Variants in WIPF2 observed in about 807,000 individuals in gnomAD.
WIPF2 encodes the protein WAS/WASL-interacting protein family member 2.
Under a neutral mutation model 38.8 loss-of-function variants are expected in WIPF2, and 23 were observed. That is an observed-to-expected ratio of 0.59 (90% CI 0.43 to 0.84). The LOEUF is 0.84. Ranked by LOEUF, WIPF2 falls within the 40% of genes least tolerant of loss-of-function variation. The probability of loss-of-function intolerance (pLI) is 0.00; values close to 1 mark genes in which losing one functional copy is unlikely to be tolerated. For synonymous variants in WIPF2, 210 were observed against 223.2 expected (o/e 0.94, Z 0.53); for missense variants, 574 against 580.5 (o/e 0.99, Z 0.11).
intron 1 of WIPF2, among the ~76,000 whole-genome samples, chr17:40,246,844 G>A (rs2031382964): frequency 6.6e-6 from 1 of 151,830 alleles, no homozygotes; most frequent in Non-Finnish European, 1.5e-5. Flanking sequence ...CGGGCGTGGC[G>A]ACTCATGCCT....
chr17:40,279,403 T>C lies in WIPF2; in HGVS notation c.*1178T>C, dbSNP rs1229560165. The C allele has an allele frequency of 6.5e-6, 1 of 152,676 alleles. No individual in the cohort carries two copies. Among genetic ancestry groups the C allele is most frequent in the Non-Finnish European group, 1.5e-5 (1 of 68,106 alleles). The allele number at this position is 152,676 out of a possible 1,614,324, so 9.5% of individuals were successfully genotyped here. On this transcript the variant is annotated 3_prime_UTR_variant, in exon 8 of 8. Transcript: ENST00000323571. The stretch of plus-strand genomic sequence containing the variant: ...CCCTTGCCTTCCCAGGACTGCACGG[T>C]TTAACACAGCAGAGTACAGAAGGGT...
At chr17:40,241,661 G>A (rs1290700490) in intron 1 of WIPF2, among the ~76,000 whole-genome samples, 1 of 152,098 alleles carries the variant, frequency 6.6e-6, no homozygotes, top group Non-Finnish European at 1.5e-5. Context: ...AGTGTTTTTG[G>A]TGAAATGGAA....
intron 5 of WIPF2, among the ~76,000 whole-genome samples, chr17:40,269,044 T>C (rs1260944215): frequency 6.6e-6 from 1 of 151,338 alleles, no homozygotes; most frequent in African/African-American, 2.4e-5. Flanking sequence ...CTAGGCCGGG[T>C]GCAGTGGCTC....
At chr17:40,248,493 A>C (rs916851011) in intron 1 of WIPF2, among the ~76,000 whole-genome samples, 1 of 152,086 alleles carries the variant, frequency 6.6e-6, no homozygotes, top group Non-Finnish European at 1.5e-5. Flanking sequence ...TATTAAATAG[A>C]GACAAGGTCT....
At chr17:40,220,571 G>GTGTGTA (rs1270808243) in intron 1 of WIPF2, 25 of 85,644 alleles carry the variant, frequency 2.9e-4, no homozygotes, top group African/African-American at 1.3e-3. Flanking sequence ...ACGTGTGTGT[G>GTGTGTA]TGTATATATA....
intron 1 of WIPF2, among the ~76,000 whole-genome samples, chr17:40,242,874 C>T (rs1045564890): frequency 9.9e-5 from 15 of 152,194 alleles, no homozygotes; most frequent in African/African-American, 2.9e-4. Context: ...TGCTGTACTT[C>T]AGTGCTTTCA....
Position 40,277,150 on chromosome 17 carries a change from C to T in WIPF2, c.1248C>T (p.His416=). 6.2e-7 allele frequency: 1 copy of T among 1,613,452 alleles called. No individual in the cohort carries two copies. Among genetic ancestry groups the T allele is most frequent in the Non-Finnish European group, 8.5e-7 (1 of 1,179,700 alleles). The part of the protein sequence containing the change: ...EDFPAPEEYK[H]FQRIYPSKTN... ...TTCCTGCTCCAGAAGAATATAAACA[C>T]TTTCAGAGGATATATCCCAGCAAAA... The change falls in exon 7 of 8, where the codon CAC becomes CAT. Residue 416 remains histidine (H), a synonymous_variant. Transcript: ENST00000323571.
intron 1 of WIPF2, among the ~76,000 whole-genome samples, chr17:40,240,584 T>A (rs2031154111): frequency 6.6e-6 from 1 of 152,018 alleles, no homozygotes; most frequent in Non-Finnish European, 1.5e-5. Context: ...AAAACTTTGT[T>A]GACATCTCTC....
At chr17:40,226,208 A>AAT (rs1567708011) in intron 1 of WIPF2, among the ~76,000 whole-genome samples, 1 of 109,982 alleles carries the variant, frequency 9.1e-6, no homozygotes, top group African/African-American at 3.7e-5. Context: ...AAAAAAAAAA[A>AAT]TTTTTTTTTT....
At chr17:40,254,806 A>C (rs2031668146) in intron 1 of WIPF2, among the ~76,000 whole-genome samples, 1 of 151,506 alleles carries the variant, frequency 6.6e-6, no homozygotes, top group South Asian at 2.1e-4. Flanking sequence ...TTCTTGGCTC[A>C]CTGCACCTCC....
Position 40,278,324 on chromosome 17 carries a change from A to G in WIPF2, c.*99A>G. 1 of 1,401,656 alleles carries G rather than the reference A, an allele frequency of 7.1e-7. No individual in the cohort carries two copies. The highest frequency in any genetic ancestry group is 9.9e-7 in the Non-Finnish European group (1 of 1,011,094). 86.8% of individuals were successfully genotyped at this position (1,401,656 alleles called of 1,614,324 possible). ...TGAAACCTGCATGAGAGCTCCTAAC[A>G]TGTTTCTCCAATGCAATCAAGCCCT... is the stretch of plus-strand genomic sequence containing the variant. On this transcript the variant is annotated 3_prime_UTR_variant, in exon 8 of 8. Transcript: ENST00000323571.
At chr17:40,221,504 C>T (rs2030235715) in intron 1 of WIPF2, among the ~76,000 whole-genome samples, 1 of 151,826 alleles carries the variant, frequency 6.6e-6, no homozygotes, top group Non-Finnish European at 1.5e-5. Flanking sequence ...GAGGCTGAGG[C>T]AGGAGGATTG....
rs185791259 is a variant in WIPF2 at position 40,223,585 on chromosome 17, A to G, written c.-70+4093A>G. ...CAGAAGTCTTGTTCTGTTGAAGAGA[A>G]AATTTTTTTTTGGGTTTTTTTTTTT... On this transcript the variant is annotated intron_variant, in intron 1 of 7. Transcript: ENST00000323571. Among the ~76,000 whole-genome samples, 176 of 149,694 alleles carry G rather than the reference A, an allele frequency of 1.2e-3. No individual in the cohort carries two copies. The Middle Eastern group carries it at 0.017, about 15-fold the overall frequency.
chr17:40,277,998 T>C (rs1396687339), intron 7 of WIPF2, among the ~76,000 whole-genome samples, 187 bp from the exon 8 acceptor site: 1 of 152,152 alleles, frequency 6.6e-6, no homozygotes, highest in Non-Finnish European at 1.5e-5. Context: ...AGTGCTGGGA[T>C]TACAGGCGTG....
intron 1 of WIPF2, among the ~76,000 whole-genome samples, chr17:40,222,380 G>A (rs1190841153): frequency 9.9e-5 from 15 of 151,350 alleles, no homozygotes; most frequent in Non-Finnish European, 1.6e-4. Flanking sequence ...AAACAAGGCT[G>A]GGCGCGCTGG....
intron 1 of WIPF2, among the ~76,000 whole-genome samples, chr17:40,250,937 T>TTTA (rs1174975480): frequency 1.3e-5 from 2 of 148,186 alleles, no homozygotes; most frequent in African/African-American, 2.5e-5. Context: ...TTTTTTTTTT[T>TTTA]GAGTCTCGCT....
chr17:40,232,179 A>ATTTT lies in WIPF2; in HGVS notation c.-70+12712_-70+12715dup, dbSNP rs752876006. On this transcript the variant is annotated intron_variant, in intron 1 of 7. Coordinates refer to ENST00000323571, the MANE Select transcript of WIPF2 (RefSeq NM_133264.5). ...AGGCACATGCCACCATGCCTGGCTAATTTTTTTTTTTTTTTTTTTTTTTTT... is the reference window on the plus strand; with the variant it reads ...AGGCACATGCCACCATGCCTGGCTAATTTTTTTTTTTTTTTTTTTTTTTTTTTTT... Among the ~76,000 whole-genome samples, 163 of 76,050 alleles carry ATTTT rather than the reference A, an allele frequency of 2.1e-3. 5 individuals are homozygous for ATTTT. The highest frequency in any genetic ancestry group is 9.4e-3 in the African/African-American group (137 of 14,506). The allele number at this position is 76,050 out of a possible 152,430, so 49.9% of individuals were successfully genotyped here.
At position 40,219,409 on chromosome 17, in the gene WIPF2, A is replaced by G; in HGVS notation, c.-153A>G. Reference sequence around the variant, plus strand: ...GGCGGCGGCGGCGGCGACGGCGAGAAAGAGCTTGCCGGGGGGCGAGCAGGA... The same window carrying G: ...GGCGGCGGCGGCGGCGACGGCGAGAGAGAGCTTGCCGGGGGGCGAGCAGGA... On this transcript the variant is annotated 5_prime_UTR_variant, in exon 1 of 8. Coordinates refer to ENST00000323571, the MANE Select transcript of WIPF2 (RefSeq NM_133264.5). 1 of 374,398 alleles carries G rather than the reference A, an allele frequency of 2.7e-6. No individual in the cohort carries two copies. 23.2% of individuals were successfully genotyped at this position (374,398 alleles called of 1,614,324 possible).
intron 7 of WIPF2, 84 bp from the exon 8 acceptor site, chr17:40,278,101 G>A: frequency 6.8e-7 from 1 of 1,463,042 alleles, no homozygotes. Context: ...TAAAGAGCCT[G>A]TCTCTCATTT....
Sources: allele counts gnomAD v4.1 joint callset (sites outside exome capture counted in the v4.1 genomes callset), GRCh38; gene constraint gnomAD v4.1.1; transcripts MANE v1.5; gene names NCBI Gene and HGNC (gene_info 2026-07-23, HGNC 2026-07-21).